BCAS3: variants seen among roughly 807,000 people sequenced by gnomAD.
The protein encoded by BCAS3 is BCAS4/BCAS3 fusion.
Under a neutral mutation model 116.1 loss-of-function variants are expected in BCAS3, and 53 were observed. The ratio of observed to expected loss-of-function variants is 0.46; its 90% CI spans 0.37 to 0.57. BCAS3 has a LOEUF of 0.57. Among genes scored for constraint, BCAS3 ranks in the 20% least tolerant of loss-of-function variants. The pLI, the probability that BCAS3 is intolerant of heterozygous loss-of-function variation, is 0.00. For missense variants in BCAS3, 917 were observed against 1,165.4 expected (o/e 0.79, Z 3.10); for synonymous variants, 391 against 408.2 (o/e 0.96, Z 0.51).
intron 10 of BCAS3, 89 bp downstream of exon 10, chr17:60,889,860 AC>A: frequency 8.4e-7 from 1 of 1,188,624 alleles, no homozygotes; most frequent in Middle Eastern, 2.8e-4. Context: ...ATAGTTGATT[AC>A]CAATAATAAA....
At chr17:61,035,221 T>A (rs1209038277) in intron 17 of BCAS3, among the ~76,000 whole-genome samples, 1 of 152,148 alleles carries the variant, frequency 6.6e-6, no homozygotes, top group African/African-American at 2.4e-5. Context: ...GGCAATGGAA[T>A]CAGAGTTTGA....
chr17:61,018,808 TAC>T (rs1467954669), intron 16 of BCAS3, among the ~76,000 whole-genome samples: 2 of 152,174 alleles, frequency 1.3e-5, no homozygotes, highest in Non-Finnish European at 2.9e-5. Flanking sequence ...ATAACTGTAG[TAC>T]AGTTATCAGA....
At chr17:60,745,511 G>A (rs534919409) in intron 5 of BCAS3, among the ~76,000 whole-genome samples, 6 of 152,150 alleles carry the variant, frequency 3.9e-5, no homozygotes, top group African/African-American at 1.4e-4. Context: ...TTCAGAGAAT[G>A]TACGATACTA....
rs1021119288 is a variant in BCAS3, at chr17:61,041,298, C to T, written c.2029+406C>T. Among the ~76,000 whole-genome samples, 4 of 151,254 alleles carry T rather than the reference C, an allele frequency of 2.6e-5. No homozygotes were observed. Among genetic ancestry groups the T allele is most frequent in the Admixed American group, 6.6e-5 (1 of 15,188 alleles). The stretch of plus-strand genomic sequence containing the variant: ...AAAAGTGCAACTATGAAAACAATGC[C>T]AGCAGGCTTTTCTTTTGGTAGAATT... On this transcript the variant is annotated intron_variant, in intron 19 of 23. Coordinates refer to ENST00000407086, the MANE Select transcript of BCAS3 (RefSeq NM_017679.5). This position sits in a 1 kb window ranked among gnomAD's most constrained non-coding sequence, Gnocchi z 4.7.
At position 61,088,007 on chromosome 17, in the gene BCAS3, C is replaced by T. The variant is rs1423203659; in HGVS notation, c.2425+3443C>T. Among the ~76,000 whole-genome samples, 1 of 152,116 alleles carries T rather than the reference C, an allele frequency of 6.6e-6. No homozygotes were observed. The highest frequency in any genetic ancestry group is 1.5e-5 in the Non-Finnish European group (1 of 68,016). On this transcript the variant is annotated intron_variant, in intron 22 of 23. Transcript: ENST00000407086. This position sits in a 1 kb window ranked among gnomAD's most constrained non-coding sequence, Gnocchi z 4.2. Reference sequence around the variant, plus strand: ...GACCAGCCTGGCTAACATGGCAAAACCCCGTCCCTAATAAAAATACAAAAA... The same window carrying T: ...GACCAGCCTGGCTAACATGGCAAAATCCCGTCCCTAATAAAAATACAAAAA...
rs1382787432 is a variant in BCAS3 at position 61,244,175 on chromosome 17, G to GA, written c.2426-124146dup. On this transcript the variant is annotated intron_variant, in intron 22 of 23. Transcript: ENST00000407086. The surrounding 1 kb of genome is among the most constrained non-coding windows in gnomAD (Gnocchi z 4.9). ...CATATTTATTATTTAAAAAGCTTAA[G>GA]AAAAAACAGAAGAAAAAAGAAAACT... Among the ~76,000 whole-genome samples the GA allele has an allele frequency of 1.3e-4, 19 of 151,952 alleles. No homozygotes were observed. The highest frequency in any genetic ancestry group is 8.5e-4 in the Admixed American group (13 of 15,276).
chr17:60,685,901 C>T (rs1352325366), intron 3 of BCAS3, among the ~76,000 whole-genome samples: 1 of 151,236 alleles, frequency 6.6e-6, no homozygotes, highest in South Asian at 2.1e-4. Context: ...GACAGAGTCT[C>T]ACTCTGTTCC....
intron 5 of BCAS3, among the ~76,000 whole-genome samples, chr17:60,743,951 T>C (rs2041818267): frequency 6.6e-6 from 1 of 152,238 alleles, no homozygotes; most frequent in African/African-American, 2.4e-5. Context: ...GGAAAAGATT[T>C]TTTTTCCTAC....
At chr17:61,296,818 A>G (rs1044920570) in intron 22 of BCAS3, among the ~76,000 whole-genome samples, 1 of 152,248 alleles carries the variant, frequency 6.6e-6, no homozygotes, top group Non-Finnish European at 1.5e-5. Context: ...ACAGAGCACA[A>G]ACAAGGAGCT....
intron 7 of BCAS3, among the ~76,000 whole-genome samples, chr17:60,822,088 G>A (rs1015949630): frequency 3.3e-5 from 5 of 152,158 alleles, no homozygotes; most frequent in East Asian, 1.9e-4. Flanking sequence ...ATTCAAGTCC[G>A]TATAGACATA....
chr17:60,697,681 A>AC (rs2035786361), intron 4 of BCAS3, among the ~76,000 whole-genome samples: 1 of 152,020 alleles, frequency 6.6e-6, no homozygotes, highest in Admixed American at 6.6e-5. Flanking sequence ...CCAGTTGCAA[A>AC]CAGTCTTCTA....
At chr17:60,810,937 G>A (rs1317619001) in intron 7 of BCAS3, 4 of 689,072 alleles carry the variant, frequency 5.8e-6, no homozygotes, top group Admixed American at 3.7e-5. Context: ...CCAATATGAC[G>A]AACTGGCTCA....
chr17:60,729,444 A>G (rs2040244548), intron 5 of BCAS3, among the ~76,000 whole-genome samples: 1 of 151,978 alleles, frequency 6.6e-6, no homozygotes, highest in South Asian at 2.1e-4. Flanking sequence ...GGTTTTCCAA[A>G]TAGGCTGTAT....
In BCAS3 at chr17:60,780,383, A is replaced by G. The variant is rs192249673; in HGVS notation, c.404-27621A>G. On this transcript the variant is annotated intron_variant, in intron 6 of 23. Transcript: ENST00000407086. ...GATCTCGTGATCTTGTCTTACTGCA[A>G]ACTCCACCTCCTGGGTTCAAGCGAT... Among the ~76,000 whole-genome samples the G allele has an allele frequency of 3.9e-3, 595 of 151,648 alleles. 5 individuals are homozygous for G. Among genetic ancestry groups the G allele is most frequent in the Non-Finnish European group, 4.2e-3 (284 of 67,916 alleles).
rs553713289 is a variant in BCAS3 at position 60,918,294 on chromosome 17, G to T, written c.994-6113G>T. 2.3e-4 allele frequency among the ~76,000 whole-genome samples: 35 copies of T among 152,130 alleles called. No individual in the cohort carries two copies. The South Asian group carries it at 7.3e-3, about 32-fold the overall frequency. On this transcript the variant is annotated intron_variant, in intron 12 of 23. Coordinates refer to ENST00000407086, the MANE Select transcript of BCAS3 (RefSeq NM_017679.5). The stretch of plus-strand genomic sequence containing the variant: ...CTTCTCATTTGCTTATTGGCCATTT[G>T]GTTATCTTTAAAAAATTGATACATA...
intron 7 of BCAS3, among the ~76,000 whole-genome samples, chr17:60,812,530 T>C (rs1242048825): frequency 2.0e-5 from 3 of 152,102 alleles, no homozygotes; most frequent in Admixed American, 1.3e-4. Flanking sequence ...TGTAACAATA[T>C]CTGTTTGGGA....
chr17:61,135,434 A>C (rs950684087), intron 22 of BCAS3, among the ~76,000 whole-genome samples: 2 of 152,242 alleles, frequency 1.3e-5, no homozygotes, highest in African/African-American at 4.8e-5. Flanking sequence ...TGTAAGTATT[A>C]CAAACAAGCT....
intron 10 of BCAS3, among the ~76,000 whole-genome samples, chr17:60,900,749 T>C (rs1483334046): frequency 1.3e-5 from 2 of 152,046 alleles, no homozygotes; most frequent in East Asian, 1.9e-4. Context: ...ATTAGTTCAT[T>C]TGATAGAATT....
At position 61,241,611 on chromosome 17, in the gene BCAS3, C is replaced by G. The variant is rs546983663; in HGVS notation, c.2426-126716C>G. 2.0e-5 allele frequency among the ~76,000 whole-genome samples: 3 copies of G among 151,568 alleles called. No homozygotes were observed. Among genetic ancestry groups the G allele is most frequent in the Admixed American group, 2.0e-4 (3 of 15,212 alleles). ...GCGGGTGCCTGTAGTCCCAGCTACT[C>G]GGGAGGATGAGGCAGGAAAATGGCG... On this transcript the variant is annotated intron_variant, in intron 22 of 23. Transcript: ENST00000407086. This position sits in a 1 kb window ranked among gnomAD's most constrained non-coding sequence, Gnocchi z 4.6.
Sources: allele counts gnomAD v4.1 joint callset (sites outside exome capture counted in the v4.1 genomes callset), GRCh38; gene constraint gnomAD v4.1.1; non-coding constraint Gnocchi (gnomAD v3.1); transcripts MANE v1.5; gene names NCBI Gene and HGNC (gene_info 2026-07-23, HGNC 2026-07-21).